The following KCNK10 variants were observed in gnomAD, a reference collection of about 807,000 sequenced individuals.
KCNK10 encodes the protein potassium two pore domain channel subfamily K member 10, also known as potassium channel subfamily K member 10.
A neutral mutation model predicts 47.7 loss-of-function variants in KCNK10; 25 were observed. That is an observed-to-expected ratio of 0.52 (90% confidence interval 0.38 to 0.73). The LOEUF (loss-of-function observed/expected upper bound fraction) is 0.73, where lower values mean the gene tolerates loss of function less well. KCNK10 is among the 30% of genes least tolerant of loss of function. The probability of loss-of-function intolerance (pLI) is 0.00; values close to 1 mark genes in which losing one functional copy is unlikely to be tolerated. For missense variants in KCNK10, 563 were observed against 714.5 expected, an observed-to-expected ratio of 0.79 and a Z score of 2.42; for synonymous variants, 303 against 285.6, an observed-to-expected ratio of 1.06 and a Z score of -0.61.
At chr14:88,325,399 A>C (rs181156984), upstream of KCNK10, among the ~76,000 whole-genome samples, 2 of 152,140 alleles carry the variant, frequency 1.3e-5, no homozygotes, top group Non-Finnish European at 2.9e-5. Context: ...ATTCCCCCTC[A>C]CCATCTCATA....
chr14:88,216,547 G>A (rs1885626799), intron 4 of KCNK10, among the ~76,000 whole-genome samples: 1 of 152,140 alleles, frequency 6.6e-6, no homozygotes, highest in African/African-American at 2.4e-5. Context: ...AATGTCAATA[G>A]TATCGAGGCT....
intron 1 of KCNK10, among the ~76,000 whole-genome samples, chr14:88,282,025 A>G (rs1887661955): frequency 6.6e-6 from 1 of 152,102 alleles, no homozygotes; most frequent in Admixed American, 6.6e-5. Flanking sequence ...CCCTGAGGGC[A>G]GAAACCCTGC....
chr14:88,192,975 G>C (rs1884798570), intron 4 of KCNK10, among the ~76,000 whole-genome samples: 1 of 152,202 alleles, frequency 6.6e-6, no homozygotes. Context: ...CTCTAGCCAA[G>C]TATTTGTGTG....
intron 1 of KCNK10, among the ~76,000 whole-genome samples, chr14:88,299,713 G>A (rs1218304710): frequency 6.6e-6 from 1 of 152,142 alleles, no homozygotes. Context: ...AGTGCTTGGG[G>A]TAAGGCTACA....
At chr14:88,278,218 A>G (rs1212847332) in intron 1 of KCNK10, among the ~76,000 whole-genome samples, 1 of 152,204 alleles carries the variant, frequency 6.6e-6, no homozygotes, top group Admixed American at 6.5e-5. Context: ...TACATGGATC[A>G]TATAGAAGTC....
chr14:88,318,099 G>C (rs1275839672), intron 1 of KCNK10, among the ~76,000 whole-genome samples: 1 of 152,232 alleles, frequency 6.6e-6, no homozygotes, highest in African/African-American at 2.4e-5. Flanking sequence ...TGGAGGTTTA[G>C]AGCGAGCTGG....
chr14:88,198,926 T>TTTTAC (rs1396911181), intron 4 of KCNK10, among the ~76,000 whole-genome samples: 2,994 of 151,024 alleles, frequency 0.02, 110 homozygotes, highest in African/African-American at 0.069. Flanking sequence ...TTTTATTTTA[T>TTTTAC]TTTATTTTTT....
intron 1 of KCNK10, among the ~76,000 whole-genome samples, chr14:88,292,661 C>T (rs757401152): frequency 2.6e-5 from 4 of 151,974 alleles, no homozygotes; most frequent in Admixed American, 6.6e-5. Context: ...TGGACAGGGA[C>T]TGGCTCTGTC....
intron 3 of KCNK10, among the ~76,000 whole-genome samples, chr14:88,231,208 G>A (rs767636005): frequency 1.3e-5 from 2 of 152,112 alleles, no homozygotes; most frequent in Admixed American, 1.3e-4. Context: ...TGAGCTAGGA[G>A]TTTGAGGTTA....
intron 1 of KCNK10, chr14:88,270,783 C>A (rs527539054): frequency 7.7e-6 from 6 of 780,948 alleles, no homozygotes; most frequent in Non-Finnish European, 1.4e-5. Flanking sequence ...TTAAATCCAT[C>A]CTCCATATAC....
chr14:88,225,118 T>C (rs989329870), intron 4 of KCNK10, among the ~76,000 whole-genome samples: 4 of 152,204 alleles, frequency 2.6e-5, no homozygotes, highest in Non-Finnish European at 5.9e-5. Flanking sequence ...CTAAACGTAA[T>C]TGGACTTTTA....
At chr14:88,264,265 A>G (rs566070683) in intron 1 of KCNK10, among the ~76,000 whole-genome samples, 2 of 152,340 alleles carry the variant, frequency 1.3e-5, no homozygotes, top group Admixed American at 1.3e-4. Flanking sequence ...TTTGGAAATA[A>G]ATAGGTTCAG....
At chr14:88,191,082 C>CA (rs1566678874) in intron 5 of KCNK10, among the ~76,000 whole-genome samples, 1 of 151,726 alleles carries the variant, frequency 6.6e-6, no homozygotes, top group Non-Finnish European at 1.5e-5. Context: ...ACGAAAAATA[C>CA]AAAAAATGAA....
At chr14:88,255,858 T>TTAAAAAAAAGGAA (rs1366434366) in intron 2 of KCNK10, among the ~76,000 whole-genome samples, 13 of 151,954 alleles carry the variant, frequency 8.6e-5, no homozygotes, top group African/African-American at 3.1e-4. Context: ...AGACCCTGTT[T>TTAAAAAAAAGGAA]TAAAAAAAAG....
chr14:88,197,859 GGA>G (rs71126969), intron 4 of KCNK10, among the ~76,000 whole-genome samples: 20,022 of 124,876 alleles, frequency 0.16, 1,606 homozygotes, highest in East Asian at 0.27. Flanking sequence ...AGGAGGGAAG[GGA>G]GAGAGAGAGA....
At chr14:88,201,608 C>T (rs1885104775) in intron 4 of KCNK10, among the ~76,000 whole-genome samples, 1 of 151,568 alleles carries the variant, frequency 6.6e-6, no homozygotes, top group Non-Finnish European at 1.5e-5. Flanking sequence ...TGCAGTGAGC[C>T]GAGATCATGT....
chr14:88,294,675 A>G (rs1479891653), intron 1 of KCNK10, among the ~76,000 whole-genome samples: 1 of 152,232 alleles, frequency 6.6e-6, no homozygotes, highest in African/African-American at 2.4e-5. Flanking sequence ...ACATGGGCAA[A>G]GGACCACAAG....
intron 1 of KCNK10, among the ~76,000 whole-genome samples, chr14:88,293,424 C>T (rs1369768700): frequency 6.6e-6 from 1 of 152,120 alleles, no homozygotes; most frequent in Non-Finnish European, 1.5e-5. Flanking sequence ...TCAAGAAATG[C>T]TACCACCATC....
At chr14:88,235,995 A>C (rs998669983) in intron 3 of KCNK10, among the ~76,000 whole-genome samples, 1 of 152,238 alleles carries the variant, frequency 6.6e-6, no homozygotes, top group Non-Finnish European at 1.5e-5. Flanking sequence ...GGGAAACAGA[A>C]GAGCAACACC....
Sources: gnomAD v4.1 joint callset for allele counts (sites outside exome capture counted in the v4.1 genomes callset) on GRCh38, gnomAD v4.1.1 for gene constraint, MANE v1.5 for transcripts, NCBI Gene and HGNC (gene_info 2026-07-23, HGNC 2026-07-21) for gene names.